Variants in ATRNL1 observed in about 807,000 individuals in gnomAD.
The protein encoded by ATRNL1 is attractin-like protein 1.
A neutral mutation model predicts 182.7 loss-of-function variants in ATRNL1; 95 were observed. The ratio of observed to expected loss-of-function variants is 0.52; its 90% CI spans 0.44 to 0.62. The LOEUF (loss-of-function observed/expected upper bound fraction) is 0.62. ATRNL1 is among the 20% of genes least tolerant of loss of function. ATRNL1 has a pLI of 0.00. For synonymous variants in ATRNL1, 576 were observed against 568.3 expected (o/e 1.01, Z -0.19); for missense variants, 1,471 against 1,679.5 (o/e 0.88, Z 2.17).
At chr10:115,170,566 G>A (rs1847248128) in intron 7 of ATRNL1, among the ~76,000 whole-genome samples, 1 of 148,762 alleles carries the variant, frequency 6.7e-6, no homozygotes, top group African/African-American at 2.6e-5. Flanking sequence ...AGCTACTAGG[G>A]ACTCAGATGA....
Position 115,104,850 on chromosome 10 carries a change from A to T in ATRNL1, c.293+10807A>T, listed in dbSNP as rs1843930889. ...TGACACCTTTGTCAAAAATGAGTTC[A>T]CTGTAAGTATGGATTTATTCTGGGT... On this transcript the variant is annotated intron_variant, in intron 1 of 28. Transcript: ENST00000355044. Among the ~76,000 whole-genome samples, 3 of 151,940 alleles carry T rather than the reference A, an allele frequency of 2.0e-5. No individual in the cohort carries two copies. The South Asian group carries it at 6.2e-4, about 32-fold the overall frequency.
intron 27 of ATRNL1, among the ~76,000 whole-genome samples, chr10:115,823,598 A>G (rs111490846): frequency 0.045 from 6,921 of 152,306 alleles, 548 homozygotes; most frequent in African/African-American, 0.15. Flanking sequence ...TACAAAATAA[A>G]TGTACAAAAC....
At chr10:115,713,637 A>G (rs1394531736) in intron 26 of ATRNL1, among the ~76,000 whole-genome samples, 2 of 152,040 alleles carry the variant, frequency 1.3e-5, no homozygotes, top group East Asian at 3.9e-4. Context: ...ACACACACAT[A>G]TACACAGTAA....
intron 25 of ATRNL1, among the ~76,000 whole-genome samples, chr10:115,539,385 A>G (rs1554991312): frequency 1.3e-5 from 2 of 152,272 alleles, no homozygotes; most frequent in South Asian, 2.1e-4. Context: ...GAACTCAACC[A>G]TGAAACCTGG....
intron 24 of ATRNL1, among the ~76,000 whole-genome samples, chr10:115,508,404 C>G (rs569009495): frequency 6.6e-6 from 1 of 152,092 alleles, no homozygotes; most frequent in South Asian, 2.1e-4. Flanking sequence ...TGTCTTGTCA[C>G]TTTAAATCAA....
intron 20 of ATRNL1, among the ~76,000 whole-genome samples, chr10:115,420,819 A>G (rs548521813): frequency 6.6e-6 from 1 of 152,270 alleles, no homozygotes; most frequent in Non-Finnish European, 1.5e-5. Context: ...CCTAAGAAAA[A>G]AAGAGGAATG....
chr10:115,818,184 C>CATT (rs1950210471), intron 27 of ATRNL1, among the ~76,000 whole-genome samples: 2 of 95,490 alleles, frequency 2.1e-5, no homozygotes, highest in Non-Finnish European at 3.8e-5. Flanking sequence ...TATTTGATTC[C>CATT]GTTTTTTTTT....
intron 26 of ATRNL1, among the ~76,000 whole-genome samples, chr10:115,678,944 G>GGAA (rs1181468619): frequency 1.3e-5 from 2 of 152,090 alleles, no homozygotes; most frequent in African/African-American, 4.8e-5. Flanking sequence ...AGACAATGGT[G>GGAA]GAAGAGGAAT....
intron 28 of ATRNL1, among the ~76,000 whole-genome samples, chr10:115,881,719 G>A (rs2254395): frequency 0.56 from 85,633 of 151,924 alleles, 24,556 homozygotes; most frequent in East Asian, 0.76. Flanking sequence ...TGTTCATTTC[G>A]TAAATGTGGA....
intron 24 of ATRNL1, among the ~76,000 whole-genome samples, chr10:115,470,241 A>G (rs1848242383): frequency 1.3e-5 from 2 of 150,102 alleles, no homozygotes; most frequent in South Asian, 4.2e-4. Flanking sequence ...TTTTCTTCTT[A>G]TTTTTAAGGT....
At chr10:115,842,132 A>C (rs1295952148) in intron 27 of ATRNL1, among the ~76,000 whole-genome samples, 1 of 147,664 alleles carries the variant, frequency 6.8e-6, no homozygotes, top group Non-Finnish European at 1.5e-5. Context: ...TCACTCATAT[A>C]TCAGATTAGG....
At chr10:115,270,385 A>G (rs1305148123) in intron 13 of ATRNL1, among the ~76,000 whole-genome samples, 1 of 133,610 alleles carries the variant, frequency 7.5e-6, no homozygotes, top group African/African-American at 2.9e-5. Flanking sequence ...TATATAATAT[A>G]TAAATATATG....
At chr10:115,912,969 C>T (rs1473509536) in intron 28 of ATRNL1, among the ~76,000 whole-genome samples, 1 of 152,134 alleles carries the variant, frequency 6.6e-6, no homozygotes, top group South Asian at 2.1e-4. Context: ...CAATTCCCCA[C>T]AGTGTCCCTT....
Position 115,173,342 on chromosome 10 carries a change from G to C in ATRNL1, c.1348+2050G>C, listed in dbSNP as rs1847368347. Among the ~76,000 whole-genome samples the C allele has an allele frequency of 2.0e-5, 3 of 151,874 alleles. No individual in the cohort carries two copies. In the South Asian group the frequency reaches 6.2e-4, roughly 31 times the overall value. On this transcript the variant is annotated intron_variant, in intron 8 of 28. Coordinates refer to ENST00000355044, the MANE Select transcript of ATRNL1 (RefSeq NM_207303.4). ...GGTTTTATTATAGTGCTCAGGAAAT[G>C]TTGGTCTTATTTCTACTTTTTAAAT...
At chr10:115,431,590 C>T (rs1322806201) in intron 21 of ATRNL1, among the ~76,000 whole-genome samples, 1 of 151,934 alleles carries the variant, frequency 6.6e-6, no homozygotes, top group Non-Finnish European at 1.5e-5. Flanking sequence ...ATTCCCTTTA[C>T]TACTTTTATG....
chr10:115,891,097 C>T (rs1555111140), intron 28 of ATRNL1, among the ~76,000 whole-genome samples: 2 of 149,076 alleles, frequency 1.3e-5, no homozygotes, highest in Non-Finnish European at 2.9e-5. Flanking sequence ...GTTCTATCTT[C>T]CCCAGGTTAA....
chr10:115,723,173 C>A (rs139720607), intron 26 of ATRNL1, among the ~76,000 whole-genome samples: 2 of 152,188 alleles, frequency 1.3e-5, no homozygotes, highest in East Asian at 3.9e-4. Context: ...ACAAATAATT[C>A]ATAGAAGAGG....
chr10:115,303,521 G>A (rs782409909), intron 17 of ATRNL1, among the ~76,000 whole-genome samples: 7 of 152,106 alleles, frequency 4.6e-5, no homozygotes, highest in Admixed American at 2.0e-4. Context: ...GCGCCCGGCC[G>A]GTATCCAAGT....
chr10:115,457,784 A>G (rs1554969025), intron 21 of ATRNL1, among the ~76,000 whole-genome samples: 1 of 151,954 alleles, frequency 6.6e-6, no homozygotes, highest in African/African-American at 2.4e-5. Flanking sequence ...TTTTTTTCAC[A>G]AGATCTCATC....
Sources: gnomAD v4.1 joint callset for allele counts (sites outside exome capture counted in the v4.1 genomes callset) on GRCh38, gnomAD v4.1.1 for gene constraint, MANE v1.5 for transcripts, NCBI Gene and HGNC (gene_info 2026-07-23, HGNC 2026-07-21) for gene names.